The following GAB2 variants were observed in gnomAD, a reference collection of about 807,000 sequenced individuals.
GAB2 encodes GRB2-associated-binding protein 2.
A neutral mutation model predicts 65.5 loss-of-function variants in GAB2; 26 were observed. That is an observed-to-expected ratio of 0.40 (90% CI 0.29 to 0.55). The LOEUF (loss-of-function observed/expected upper bound fraction) is 0.55. GAB2 is among the 20% of genes least tolerant of loss of function. GAB2 has a pLI of 0.53. For missense variants in GAB2, 884 were observed against 875.8 expected (o/e 1.01, Z -0.12); for synonymous variants, 321 against 329.6 (o/e 0.97, Z 0.28).
chr11:78,291,913 A>G (rs1866691982), intron 1 of GAB2, among the ~76,000 whole-genome samples: 1 of 151,956 alleles, frequency 6.6e-6, no homozygotes, highest in African/African-American at 2.4e-5. Flanking sequence ...CACCTCATTT[A>G]ATCAGATTAC....
chr11:78,257,619 C>T (rs1202015427), intron 2 of GAB2, among the ~76,000 whole-genome samples: 1 of 152,164 alleles, frequency 6.6e-6, no homozygotes, highest in Non-Finnish European at 1.5e-5. Context: ...GAGGTACGAG[C>T]TGCTTTCCAA....
intron 1 of GAB2, among the ~76,000 whole-genome samples, chr11:78,348,235 G>T (rs1447495110): frequency 6.6e-6 from 1 of 152,104 alleles, no homozygotes; most frequent in Non-Finnish European, 1.5e-5. Flanking sequence ...TTACTGAAAA[G>T]AATCCAAGTA....
intron 2 of GAB2, among the ~76,000 whole-genome samples, chr11:78,264,433 T>C (rs997598353): frequency 4.0e-5 from 6 of 151,860 alleles, no homozygotes; most frequent in African/African-American, 1.5e-4. Context: ...ACAGTCTCAC[T>C]CTTTTTGCCC....
chr11:78,280,506 C>A, intron 2 of GAB2, 95 bp downstream of exon 2: 1 of 1,020,004 alleles, frequency 9.8e-7, no homozygotes. Flanking sequence ...GCTCTTCCAA[C>A]AGGAAACCTT....
chr11:78,237,074 G>T (rs1401635134), intron 3 of GAB2, among the ~76,000 whole-genome samples: 2 of 152,176 alleles, frequency 1.3e-5, no homozygotes, highest in African/African-American at 2.4e-5. Flanking sequence ...AGCTGTGAAA[G>T]AATCCCCTCC....
At chr11:78,371,044 A>C (rs1856565840) in intron 1 of GAB2, among the ~76,000 whole-genome samples, 1 of 152,186 alleles carries the variant, frequency 6.6e-6, no homozygotes, top group African/African-American at 2.4e-5. Context: ...ACCCTCACAG[A>C]GGGAAGATGA....
intron 1 of GAB2, among the ~76,000 whole-genome samples, chr11:78,284,598 C>T (rs1363796042): frequency 2.0e-5 from 3 of 152,326 alleles, no homozygotes; most frequent in African/African-American, 2.4e-5. Flanking sequence ...ACACTCCTCC[C>T]CCAGATATTT....
At chr11:78,368,962 A>T (rs1435576597) in intron 1 of GAB2, among the ~76,000 whole-genome samples, 3 of 151,874 alleles carry the variant, frequency 2.0e-5, no homozygotes, top group Admixed American at 2.0e-4. Context: ...TTTAAAATTA[A>T]TAAATTTACT....
At chr11:78,230,359 T>TG (rs1338537978) in intron 3 of GAB2, among the ~76,000 whole-genome samples, 7 of 152,362 alleles carry the variant, frequency 4.6e-5, no homozygotes, top group African/African-American at 1.4e-4. Flanking sequence ...GCCCTGGTCT[T>TG]GCATTACTCA....
At chr11:78,371,134 T>C (rs907487127) in intron 1 of GAB2, among the ~76,000 whole-genome samples, 4 of 152,166 alleles carry the variant, frequency 2.6e-5, no homozygotes, top group Non-Finnish European at 5.9e-5. Flanking sequence ...CTGCCTGAGG[T>C]GCAGACAGAA....
At position 78,231,277 on chromosome 11, in the gene GAB2, G is replaced by C. The variant is rs926507576; in HGVS notation, c.621-4226C>G. 4.6e-5 allele frequency among the ~76,000 whole-genome samples: 7 copies of C among 152,118 alleles called. No individual in the cohort carries two copies. The East Asian group carries it at 1.4e-3, about 29-fold the overall frequency. ...ATTCCTGGCCAATGGCTCTTCCAGA[G>C]GCTATAGAGGCTATTGCCACCATAC... On this transcript the variant is annotated intron_variant, in intron 3 of 9. Coordinates refer to ENST00000361507, the MANE Select transcript of GAB2 (RefSeq NM_080491.3).
intron 2 of GAB2, among the ~76,000 whole-genome samples, chr11:78,268,883 C>A (rs1255902721): frequency 6.6e-6 from 1 of 151,994 alleles, no homozygotes; most frequent in East Asian, 1.9e-4. Flanking sequence ...TAGGACAACA[C>A]AGAAACATTT....
Position 78,316,245 on chromosome 11 carries a change from C to T in GAB2, c.76-35344G>A, listed in dbSNP as rs1240067855. 2.0e-5 allele frequency among the ~76,000 whole-genome samples: 3 copies of T among 152,252 alleles called. No individual in the cohort carries two copies. The East Asian group carries it at 5.8e-4, about 29-fold the overall frequency. ...TGAGCCACTACCGGCTTCTCTCTTC[C>T]CCAGCTTCCAGATGGCCTATTGTGG... On this transcript the variant is annotated intron_variant, in intron 1 of 9. Transcript: ENST00000361507.
At chr11:78,230,246 C>G (rs528489409) in intron 3 of GAB2, among the ~76,000 whole-genome samples, 1 of 152,322 alleles carries the variant, frequency 6.6e-6, no homozygotes, top group East Asian at 1.9e-4. Context: ...TCTGTAGAAC[C>G]CACTAGCTTA....
intron 1 of GAB2, among the ~76,000 whole-genome samples, chr11:78,368,899 A>C (rs1856532454): frequency 6.6e-6 from 1 of 152,142 alleles, no homozygotes; most frequent in African/African-American, 2.4e-5. Flanking sequence ...AAACACAGCG[A>C]GACCCCATCG....
At chr11:78,387,743 T>C (rs1856786405) in intron 1 of GAB2, among the ~76,000 whole-genome samples, 1 of 152,222 alleles carries the variant, frequency 6.6e-6, no homozygotes, top group Non-Finnish European at 1.5e-5. Flanking sequence ...AGAGATTAGA[T>C]GACTTATCCA....
chr11:78,337,812 T>G (rs968959523), intron 1 of GAB2, among the ~76,000 whole-genome samples: 1 of 152,212 alleles, frequency 6.6e-6, no homozygotes, highest in African/African-American at 2.4e-5. Flanking sequence ...TTTTAAAATA[T>G]AAAGCAGCAC....
At position 78,349,762 on chromosome 11, in the gene GAB2, C is replaced by T. The variant is rs1856246946; in HGVS notation, c.75+67884G>A. ...GGAGAGTGGGAGGTGGGGTACACCT[C>T]TGCTTCTGGAGCAGAGGAGAATCCT... On this transcript the variant is annotated intron_variant, in intron 1 of 9. Coordinates refer to ENST00000361507, the MANE Select transcript of GAB2 (RefSeq NM_080491.3). Among the ~76,000 whole-genome samples the T allele has an allele frequency of 2.6e-5, 4 of 152,002 alleles. No individual in the cohort carries two copies. In the South Asian group the frequency reaches 8.3e-4, roughly 32 times the overall value.
At chr11:78,417,576 G>A in intron 1 of GAB2, 70 bp downstream of exon 1, 1 of 824,630 alleles carries the variant, frequency 1.2e-6, no homozygotes, top group Non-Finnish European at 1.6e-6. Flanking sequence ...GCCCCTCCGG[G>A]AGTCCCCCGC....
Sources: allele counts gnomAD v4.1 joint callset (sites outside exome capture counted in the v4.1 genomes callset), GRCh38; gene constraint gnomAD v4.1.1; transcripts MANE v1.5; gene names NCBI Gene and HGNC (gene_info 2026-07-23, HGNC 2026-07-21).